Variants in PLBD1 observed in about 807,000 individuals in gnomAD.
PLBD1 encodes phospholipase B domain containing 1, also known as lysosomal leucine aminopeptidase.
PLBD1 carries 60 observed loss-of-function variants against 63.0 expected under a neutral mutation model. The observed-to-expected ratio is 0.95, with a 90% CI of 0.77 to 1.18. The LOEUF (loss-of-function observed/expected upper bound fraction) is 1.18, where lower values mean the gene tolerates loss of function less well. PLBD1 is among the 50% of genes most tolerant of loss of function. The pLI, the probability that PLBD1 is intolerant of heterozygous loss-of-function variation, is 0.00. For missense variants in PLBD1, 598 were observed against 677.9 expected (o/e 0.88, Z 1.31); for synonymous variants, 262 against 248.0 (o/e 1.06, Z -0.53).
chr12:14,538,035 T>C (rs906363748), intron 4 of PLBD1, among the ~76,000 whole-genome samples: 11 of 152,066 alleles, frequency 7.2e-5, no homozygotes, highest in Non-Finnish European at 1.3e-4. Context: ...AAAAATGTCT[T>C]GTAAATAAAA....
In PLBD1 at chr12:14,553,393, T is replaced by C. The variant is rs761131539; in HGVS notation, c.135A>G (p.Ala45=). The change falls in exon 2 of 11, where the codon GCA becomes GCG. Residue 45 remains alanine (A), a synonymous_variant. Transcript: ENST00000240617. ...CTGTCTTTTCAGCAGGCATCCAGTA[T>C]GCAGTTGCATAGTAGACTCCTAGAA... ...PKPAGVYYAT[A]YWMPAEKTVQ... is the part of the protein sequence containing the mutation. 1.2e-6 allele frequency: 2 copies of C among 1,614,006 alleles called. No individual in the cohort carries two copies. The highest frequency in any genetic ancestry group is 1.1e-5 in the South Asian group (1 of 91,084).
intron 8 of PLBD1, 38 bp from the exon 9 acceptor site, chr12:14,507,156 CAG>C (rs771432978): frequency 1.4e-5 from 20 of 1,467,324 alleles, no homozygotes; most frequent in Non-Finnish European, 1.9e-5. Context: ...GAGGGATTGA[CAG>C]GGAAGGAGAC....
chr12:14,559,119 T>C (rs1752335445), intron 1 of PLBD1, among the ~76,000 whole-genome samples: 2 of 152,202 alleles, frequency 1.3e-5, no homozygotes, highest in African/African-American at 4.8e-5. Flanking sequence ...TAAAAACATC[T>C]TCATGATGGG....
intron 8 of PLBD1, among the ~76,000 whole-genome samples, chr12:14,509,698 A>C (rs1211977609): frequency 6.6e-6 from 1 of 152,198 alleles, no homozygotes; most frequent in Non-Finnish European, 1.5e-5. Context: ...CCTAGGGTCC[A>C]CACTTTATCT....
intron 8 of PLBD1, among the ~76,000 whole-genome samples, chr12:14,509,360 C>T (rs1945278705): frequency 6.6e-6 from 1 of 152,304 alleles, no homozygotes; most frequent in South Asian, 2.1e-4. Flanking sequence ...GAAAAGACTA[C>T]TTTAGCAAGC....
At chr12:14,561,578 G>C (rs1945742357) in intron 1 of PLBD1, among the ~76,000 whole-genome samples, 1 of 152,148 alleles carries the variant, frequency 6.6e-6, no homozygotes, top group African/African-American at 2.4e-5. Flanking sequence ...TTTTGAGACA[G>C]AGTTTCGCTC....
intron 1 of PLBD1, among the ~76,000 whole-genome samples, chr12:14,566,076 T>G (rs756942094): frequency 6.6e-6 from 1 of 152,032 alleles, no homozygotes; most frequent in Non-Finnish European, 1.5e-5. Flanking sequence ...TTAATCTCAC[T>G]CGTCCAAAAA....
rs144565614 is a variant in PLBD1 at position 14,507,021 on chromosome 12, A to G, written c.1284T>C (p.Tyr428=). ...LVQKLGLDYS[Y]DLAPRAKIFR... Reference sequence around the variant, plus strand: ...AAATTTTGGCTCGTGGAGCTAAATCATAAGAGTAGTCCAAGCCCAGCTTCT... The same window carrying G: ...AAATTTTGGCTCGTGGAGCTAAATCGTAAGAGTAGTCCAAGCCCAGCTTCT... Residue 428 remains tyrosine (Y), a synonymous_variant, in exon 9 of 11, where the codon TAT becomes TAC. Coordinates refer to ENST00000240617, the MANE Select transcript of PLBD1 (RefSeq NM_024829.6). 1.0e-4 allele frequency: 167 copies of G among 1,614,106 alleles called. No individual in the cohort carries two copies. Among genetic ancestry groups the G allele is most frequent in the Non-Finnish European group, 1.3e-4 (155 of 1,179,978 alleles).
At position 14,560,068 on chromosome 12, in the gene PLBD1, C is replaced by A. The variant is rs752339652; in HGVS notation, c.116-6656G>T. Among the ~76,000 whole-genome samples, 7 of 152,274 alleles carry A rather than the reference C, an allele frequency of 4.6e-5. No homozygotes were observed. In the South Asian group the frequency reaches 1.4e-3, roughly 32 times the overall value. On this transcript the variant is annotated intron_variant, in intron 1 of 10. Transcript: ENST00000240617. ...ACAGACAGGGTTTCTCCATGTTGATCAGGCTGGTCTCGAACTCTTGACCTC... is the reference window on the plus strand; with the variant it reads ...ACAGACAGGGTTTCTCCATGTTGATAAGGCTGGTCTCGAACTCTTGACCTC...
intron 4 of PLBD1, among the ~76,000 whole-genome samples, chr12:14,537,702 G>A (rs1386811377): frequency 6.6e-6 from 1 of 152,064 alleles, no homozygotes; most frequent in Non-Finnish European, 1.5e-5. Context: ...TTGGTTTTGG[G>A]GTAGAGGTGG....
chr12:14,510,220 G>A (rs377232721), intron 8 of PLBD1, among the ~76,000 whole-genome samples: 142 of 152,102 alleles, frequency 9.3e-4, no homozygotes, highest in African/African-American at 3.4e-3. Context: ...GTGAAACCCC[G>A]TCTCTACTAA....
intron 6 of PLBD1, among the ~76,000 whole-genome samples, chr12:14,515,254 G>A (rs1945329020): frequency 6.6e-6 from 1 of 152,110 alleles, no homozygotes. Context: ...ATCAAGAAAA[G>A]TATGAAAACT....
At position 14,553,421 on chromosome 12, in the gene PLBD1, A is replaced by G. The variant is rs1945676159; in HGVS notation, c.116-9T>C. On this transcript the variant is annotated splice_polypyrimidine_tract_variant and intron_variant, in intron 1 of 10. Transcript: ENST00000240617. ...AGTTGCATAGTAGACTCCTAGAAGA[A>G]AAGGGAATAATGACAAAAACGCCAT... 2 of 1,606,852 alleles carry G rather than the reference A, an allele frequency of 1.2e-6. No homozygotes were observed. Among genetic ancestry groups the G allele is most frequent in the African/African-American group, 2.7e-5 (2 of 74,808 alleles).
chr12:14,507,183 A>C, intron 8 of PLBD1, 65 bp from the exon 9 acceptor site: 2 of 1,226,440 alleles, frequency 1.6e-6, no homozygotes, highest in Non-Finnish European at 2.3e-6. Flanking sequence ...AAGGAGAGAG[A>C]GCAAAAGAAA....
At chr12:14,555,672 TCTCCAA>T (rs1945697849) in intron 1 of PLBD1, among the ~76,000 whole-genome samples, 1 of 152,124 alleles carries the variant, frequency 6.6e-6, no homozygotes, top group Non-Finnish European at 1.5e-5. Flanking sequence ...CACATACAGC[TCTCCAA>T]CCTGCCAGTA....
chr12:14,520,418 G>T (rs1317055780), intron 6 of PLBD1, among the ~76,000 whole-genome samples: 1 of 152,224 alleles, frequency 6.6e-6, no homozygotes, highest in African/African-American at 2.4e-5. Flanking sequence ...CTGTGCAGGT[G>T]ACATATGTTG....
intron 6 of PLBD1, chr12:14,530,099 T>C (rs577177425): frequency 3.3e-5 from 5 of 152,216 alleles, no homozygotes; most frequent in African/African-American, 1.2e-4. Context: ...GAGGTCACAA[T>C]AGGCATTACT....
rs1295213414 is a variant in PLBD1 at position 14,540,053 on chromosome 12, T to TACAC, written c.558+707_558+710dup. 2.5e-4 allele frequency among the ~76,000 whole-genome samples: 22 copies of TACAC among 87,346 alleles called. 1 individual carries two copies. Among genetic ancestry groups the TACAC allele is most frequent in the African/African-American group, 9.3e-4 (20 of 21,432 alleles). 57.3% of individuals were successfully genotyped at this position (87,346 alleles called of 152,430 possible). ...ATATATATATATATATATATATATA[T>TACAC]ACACACACACACTGGTCAAAATAGG... On this transcript the variant is annotated intron_variant, in intron 4 of 10. Transcript: ENST00000240617.
intron 2 of PLBD1, among the ~76,000 whole-genome samples, chr12:14,552,015 A>C (rs550384293): frequency 4.9e-4 from 75 of 152,344 alleles, no homozygotes; most frequent in African/African-American, 1.6e-3. Context: ...AAAAACAAAA[A>C]TTTGTAGTTT....
Sources: gnomAD v4.1 joint callset for allele counts (sites outside exome capture counted in the v4.1 genomes callset) on GRCh38, gnomAD v4.1.1 for gene constraint, MANE v1.5 for transcripts, NCBI Gene and HGNC (gene_info 2026-07-23, HGNC 2026-07-21) for gene names.